The following MDK variants were observed in gnomAD, a reference collection of about 807,000 sequenced individuals.
The protein encoded by MDK is amphiregulin-associated protein.
In MDK, 17 loss-of-function variants were observed where a neutral mutation model predicts 18.9. That is an observed-to-expected ratio of 0.90 (90% CI 0.62 to 1.35). The LOEUF (loss-of-function observed/expected upper bound fraction) is 1.35, where lower values mean the gene tolerates loss of function less well. Among genes scored for constraint, MDK ranks in the 40% most tolerant of loss-of-function variants. The pLI is 0.00. For missense variants in MDK, 180 were observed against 186.3 expected, an observed-to-expected ratio of 0.97 and a Z score of 0.20; for synonymous variants, 86 against 74.3, an observed-to-expected ratio of 1.16 and a Z score of -0.81.
rs1945204851 is a variant in MDK, at chr11:46,382,049, C to T, written c.-1-8C>T. Reference sequence around the variant, plus strand: ...GGCCAGGGATTCAGACTCGGGCTCTCCCCTCAGGATGCAGCACCGAGGCTT... The same window carrying T: ...GGCCAGGGATTCAGACTCGGGCTCTTCCCTCAGGATGCAGCACCGAGGCTT... On this transcript the variant is annotated splice_polypyrimidine_tract_variant and splice_region_variant and intron_variant, in intron 1 of 4. Coordinates refer to ENST00000395566, the MANE Select transcript of MDK (RefSeq NM_002391.6). The T allele has an allele frequency of 6.2e-7, 1 of 1,602,974 alleles. No homozygotes were observed. The highest frequency in any genetic ancestry group is 1.1e-5 in the South Asian group (1 of 89,244).
intron 4 of MDK, 84 bp from the exon 5 acceptor site, chr11:46,383,385 G>T (rs1945278887): frequency 9.4e-7 from 1 of 1,063,906 alleles, no homozygotes; most frequent in Non-Finnish European, 1.4e-6. Flanking sequence ...CTTCCCTGAT[G>T]CCCGGGTGTT....
At chr11:46,383,192 A>G (rs1945274398) in intron 4 of MDK, 3 of 433,964 alleles carry the variant, frequency 6.9e-6, no homozygotes, top group Non-Finnish European at 1.3e-5. Context: ...CCCGCTTCTC[A>G]GGTGAGGAGG....
chr11:46,383,057 A>T, intron 4 of MDK: 1 of 480,574 alleles, frequency 2.1e-6, no homozygotes, highest in East Asian at 3.9e-5. Flanking sequence ...TCAGCTCTCC[A>T]GCCACGGGCA....
Position 46,383,498 on chromosome 11 carries a change from C to T in MDK, c.*4C>T, listed in dbSNP as rs953554778. ...GAAAGGGAAGGGAAAGGACTAGACGCCAAGCCTGGATGCCAAGGAGCCCCT... is the reference window on the plus strand; with the variant it reads ...GAAAGGGAAGGGAAAGGACTAGACGTCAAGCCTGGATGCCAAGGAGCCCCT... On this transcript the variant is annotated 3_prime_UTR_variant, in exon 5 of 5. Transcript: ENST00000395566. 2.6e-5 allele frequency: 42 copies of T among 1,612,278 alleles called. No homozygotes were observed. Among genetic ancestry groups the T allele is most frequent in the Non-Finnish European group, 3.6e-5 (42 of 1,179,138 alleles).
intron 4 of MDK, chr11:46,383,025 G>A (rs1237239069): frequency 5.7e-6 from 3 of 523,970 alleles, no homozygotes; most frequent in Admixed American, 3.3e-5. Context: ...CAGGGAGAGT[G>A]TCCTGGAACG....
At chr11:46,383,172 G>A in intron 4 of MDK, 1 of 426,560 alleles carries the variant, frequency 2.3e-6, no homozygotes, top group East Asian at 4.5e-5. Flanking sequence ...GCAGGGCAGG[G>A]GTGAATCTGC....
chr11:46,382,493 C>CG (rs1248506708), intron 3 of MDK, 32 bp downstream of exon 3: 18 of 1,527,978 alleles, frequency 1.2e-5, no homozygotes, highest in African/African-American at 2.7e-5. Flanking sequence ...GGGCAGGAGA[C>CG]GGGGGGCACA....
Position 46,383,472 on chromosome 11 carries a change from A to G in MDK, c.410A>G (p.Lys137Arg), listed in dbSNP as rs770868123. The change falls in exon 5 of 5, where the codon AAG becomes AGG. Residue 137 changes from lysine to arginine, a missense_variant. Lys to Arg is a conservative substitution (Grantham distance 26, BLOSUM62 2). Coordinates refer to ENST00000395566, the MANE Select transcript of MDK (RefSeq NM_002391.6). The stretch of plus-strand genomic sequence containing the variant: ...ATATTTCTTTCTTGTTTTACAGCCA[A>G]GAAAGGGAAGGGAAAGGACTAGACG... Reference protein sequence around the residue: ...TPKTKAKAKAKKGKGKD With the variant: ...TPKTKAKAKARKGKGKD 36 of 1,594,726 alleles carry G rather than the reference A, an allele frequency of 2.3e-5. No homozygotes were observed. In the East Asian group the frequency reaches 7.4e-4, roughly 33 times the overall value.
Position 46,382,670 on chromosome 11 carries a change from G to T in MDK, c.328G>T (p.Ala110Ser). 1.2e-6 allele frequency: 2 copies of T among 1,613,208 alleles called. No individual in the cohort carries two copies. Among genetic ancestry groups the T allele is most frequent in the Non-Finnish European group, 8.5e-7 (1 of 1,179,914 alleles). Residue 110 changes from alanine to serine, a missense_variant, in exon 4 of 5, where the codon GCG becomes TCG. By Grantham distance (99) the Ala-to-Ser change is moderately conservative. Transcript: ENST00000395566. ...AGTCCGCCAAGGCACCCTGAAGAAGGCGCGCTACAATGCTCAGTGCCAGGA... is the reference window on the plus strand; with the variant it reads ...AGTCCGCCAAGGCACCCTGAAGAAGTCGCGCTACAATGCTCAGTGCCAGGA... Reference protein sequence around the residue: ...TKVRQGTLKKARYNAQCQETI... With the variant: ...TKVRQGTLKKSRYNAQCQETI...
At chr11:46,382,790 G>GGGGGGGGGGCGCC in intron 4 of MDK, 42 bp downstream of exon 4, 1 of 985,982 alleles carries the variant, frequency 1.0e-6, no homozygotes, top group Non-Finnish European at 1.3e-6. Flanking sequence ...GCGGGGGGCT[G>GGGGGGGGGGCGCC]CCCCCCCCCC....
In MDK at chr11:46,382,750, T is replaced by G; in HGVS notation, c.406+2T>G. ...CCAAGACCAAAGCAAAGGCCAAAGGTCAGCGAAAGGAGAAGGGGGTGGGGC... is the reference window on the plus strand; with the variant it reads ...CCAAGACCAAAGCAAAGGCCAAAGGGCAGCGAAAGGAGAAGGGGGTGGGGC... On this transcript the variant is annotated splice_donor_variant, in intron 4 of 4. Transcript: ENST00000395566. LOFTEE classifies it high-confidence loss of function. The G allele has an allele frequency of 6.4e-7, 1 of 1,564,764 alleles. No individual in the cohort carries two copies. The highest frequency in any genetic ancestry group is 1.1e-5 in the South Asian group (1 of 89,184).
intron 4 of MDK, 159 bp downstream of exon 4, chr11:46,382,907 A>G (rs1260928137): frequency 2.4e-6 from 2 of 838,444 alleles, no homozygotes; most frequent in Non-Finnish European, 3.8e-6. Context: ...AAAAGTCTGA[A>G]GATGGGCACT....
Position 46,383,697 on chromosome 11 carries a change from C to T in MDK, c.*203C>T, listed in dbSNP as rs1361517095. ...GGGAGGGACAAGGGATTCTGGGAAG[C>T]TTGAGCCTCCCCCAAAGCAATGTGA... On this transcript the variant is annotated 3_prime_UTR_variant, in exon 5 of 5. Coordinates refer to ENST00000395566, the MANE Select transcript of MDK (RefSeq NM_002391.6). 2.9e-6 allele frequency: 2 copies of T among 687,024 alleles called. No individual in the cohort carries two copies. The highest frequency in any genetic ancestry group is 5.3e-6 in the Non-Finnish European group (2 of 374,354). 42.6% of individuals were successfully genotyped at this position (687,024 alleles called of 1,614,324 possible). A position where few individuals can be genotyped will look rare whatever the true frequency, so the allele number is the denominator to read the frequency against.
chr11:46,382,298 G>A lies in MDK; in HGVS notation c.81G>A (p.Lys27=), dbSNP rs769549708. The A allele has an allele frequency of 5.0e-6, 8 of 1,608,176 alleles. No homozygotes were observed. The highest frequency in any genetic ancestry group is 1.9e-4 in the Middle Eastern group (1 of 5,294). The part of the protein sequence containing the change: ...LTSAVAKKKD[K]VKKGGPGSEC... ...TCTGTTCCTCGCGCGTTGTAGATAA[G>A]GTGAAGAAGGGCGGCCCGGGGAGCG... The change falls in exon 3 of 5, where the codon AAG becomes AAA. Residue 27 remains lysine, a synonymous_variant. Transcript: ENST00000395566.
chr11:46,382,222 A>G, intron 2 of MDK, 72 bp from the exon 3 acceptor site: 1 of 1,604,364 alleles, frequency 6.2e-7, no homozygotes. Context: ...CTAGCCTGGA[A>G]CCCCAGGAAG....
Position 46,382,319 on chromosome 11 carries a change from G to T in MDK, c.102G>T (p.Gly34=), listed in dbSNP as rs7481848. ...ATAAGGTGAAGAAGGGCGGCCCGGG[G>T]AGCGAGTGCGCTGAGTGGGCCTGGG... ...KKDKVKKGGP[G]SECAEWAWGP... is the part of the protein sequence containing the mutation. Residue 34 remains glycine (G), a synonymous_variant, in exon 3 of 5, where the codon GGG becomes GGT. Transcript: ENST00000395566. 1 of 1,608,702 alleles carries T rather than the reference G, an allele frequency of 6.2e-7. No homozygotes were observed.
At chr11:46,382,502 C>T in intron 3 of MDK, 41 bp downstream of exon 3, 1 of 1,531,694 alleles carries the variant, frequency 6.5e-7, no homozygotes, top group South Asian at 1.2e-5. Context: ...ACGGGGGGCA[C>T]AGCCTCGCCG....
intron 4 of MDK, chr11:46,383,245 A>C (rs1435082113): frequency 9.9e-6 from 5 of 504,740 alleles, no homozygotes; most frequent in Non-Finnish European, 1.8e-5. Flanking sequence ...TAGGACTGGA[A>C]ACTTGAAGGT....
upstream of MDK, chr11:46,381,116 C>A (rs1270079951): frequency 6.6e-6 from 1 of 152,306 alleles, no homozygotes; most frequent in Non-Finnish European, 1.5e-5. Context: ...TTTCTCTGGG[C>A]GACCGGGTCC....
Sources: allele counts gnomAD v4.1 joint callset, GRCh38; gene constraint gnomAD v4.1.1; transcripts MANE v1.5; gene names NCBI Gene and HGNC (gene_info 2026-07-23, HGNC 2026-07-21).